The following IL1RAPL1 variants were observed in gnomAD, a reference collection of about 807,000 sequenced individuals.
IL1RAPL1 encodes interleukin 1 receptor accessory protein like 1.
A neutral mutation model predicts 48.4 loss-of-function variants in IL1RAPL1; 3 were observed. The observed-to-expected ratio is 0.06, with a 90% CI of 0.03 to 0.16. IL1RAPL1 has a LOEUF of 0.16. Among genes scored for constraint, IL1RAPL1 ranks in the 10% least tolerant of loss-of-function variants. The pLI, the probability that IL1RAPL1 is intolerant of heterozygous loss-of-function variation, is 1.00. For synonymous variants in IL1RAPL1, 185 were observed against 187.7 expected, an observed-to-expected ratio of 0.99 and a Z score of 0.12; for missense variants, 349 against 530.6, an observed-to-expected ratio of 0.66 and a Z score of 3.36.
At chrX:29,233,191 C>G (rs1361559143) in intron 2 of IL1RAPL1, among the ~76,000 whole-genome samples, 2 of 111,366 alleles carry the variant, frequency 1.8e-5, no homozygotes, top group Non-Finnish European at 3.8e-5. Context: ...CCCTCCTTCC[C>G]CTGTACTCAA....
intron 1 of IL1RAPL1, among the ~76,000 whole-genome samples, chrX:28,777,271 C>T (rs1448318913): frequency 9.0e-6 from 1 of 111,004 alleles, no homozygotes; most frequent in African/African-American, 3.3e-5. Flanking sequence ...ACTCCTGCTA[C>T]TCTCTTATAA....
intron 5 of IL1RAPL1, among the ~76,000 whole-genome samples, chrX:29,500,179 C>A (rs1935257197): frequency 1.8e-5 from 2 of 111,044 alleles, no homozygotes; most frequent in Admixed American, 1.9e-4. Context: ...CAGGGTTTCA[C>A]CATGTTGGCC....
Position 28,654,362 on chromosome X carries a change from G to A in IL1RAPL1, c.-25+66315G>A, listed in dbSNP as rs183758750. Among the ~76,000 whole-genome samples, 57 of 110,698 alleles carry A rather than the reference G, an allele frequency of 5.1e-4. 1 individual carries two copies. The highest frequency in any genetic ancestry group is 4.7e-3 in the Admixed American group (49 of 10,347). On this transcript the variant is annotated intron_variant, in intron 1 of 10. Transcript: ENST00000378993. ...TTTTAAGCAATAAATCTAAAAGCTT[G>A]GTATTCTTATCCCCATTGAAAAATT...
chrX:29,911,993 T>A (rs1462780588), intron 6 of IL1RAPL1, among the ~76,000 whole-genome samples: 5 of 112,408 alleles, frequency 4.4e-5, no homozygotes, highest in African/African-American at 1.6e-4. Flanking sequence ...CTGTAAACAA[T>A]CTCAAAAGAT....
chrX:28,894,697 C>T (rs1410212147), intron 2 of IL1RAPL1, among the ~76,000 whole-genome samples: 3 of 110,882 alleles, frequency 2.7e-5, no homozygotes, highest in Non-Finnish European at 5.7e-5. Flanking sequence ...AAAGCAGTGG[C>T]AGCCGCTGCA....
chrX:29,552,744 C>A (rs1921856002), intron 5 of IL1RAPL1, among the ~76,000 whole-genome samples: 1 of 102,696 alleles, frequency 9.7e-6, no homozygotes, highest in South Asian at 4.5e-4. Context: ...AATACCTTAG[C>A]AAATACTTTT....
chrX:29,612,668 T>C (rs974785699), intron 5 of IL1RAPL1, among the ~76,000 whole-genome samples: 4 of 111,833 alleles, frequency 3.6e-5, no homozygotes, highest in African/African-American at 9.7e-5. Context: ...GTTTTTAGTG[T>C]GTTTCTGAGA....
At chrX:28,988,026 T>G (rs1925517281) in intron 2 of IL1RAPL1, among the ~76,000 whole-genome samples, 1 of 111,947 alleles carries the variant, frequency 8.9e-6, no homozygotes, top group Non-Finnish European at 1.9e-5. Context: ...TACTCAAAAA[T>G]CCAGTGGAAA....
intron 6 of IL1RAPL1, among the ~76,000 whole-genome samples, chrX:29,794,231 G>A (rs185112699): frequency 9.0e-6 from 1 of 111,086 alleles, no homozygotes; most frequent in East Asian, 2.8e-4. Context: ...GAAGGAAAAC[G>A]GCATTATTTT....
At chrX:28,911,062 A>C (rs1442212877) in intron 2 of IL1RAPL1, among the ~76,000 whole-genome samples, 1 of 111,539 alleles carries the variant, frequency 9.0e-6, no homozygotes, top group Non-Finnish European at 1.9e-5. Flanking sequence ...TCTGAATTGA[A>C]TGAATGTTAT....
intron 2 of IL1RAPL1, among the ~76,000 whole-genome samples, chrX:28,876,931 T>C (rs1000287075): frequency 2.2e-4 from 25 of 112,062 alleles, no homozygotes; most frequent in Admixed American, 2.1e-3. Context: ...CTATGGACTA[T>C]GTTTATTTTC....
rs767178179 is a variant in IL1RAPL1 at position 29,467,521 on chromosome X, C to CGGG, written c.703+68213_703+68214insGGG. 4.6e-3 allele frequency among the ~76,000 whole-genome samples: 521 copies of CGGG among 112,586 alleles called. 3 individuals are homozygous for CGGG. Among genetic ancestry groups the CGGG allele is most frequent in the African/African-American group, 0.016 (503 of 31,020 alleles). Reference sequence around the variant, plus strand: ...CAAACCCCTTGAGGGAGGGGGAGCACACAGGTGAGCGGATGTGGGAGAGCC... The same window carrying CGGG: ...CAAACCCCTTGAGGGAGGGGGAGCACGGGACAGGTGAGCGGATGTGGGAGAGCC... On this transcript the variant is annotated intron_variant, in intron 5 of 10. Coordinates refer to ENST00000378993, the MANE Select transcript of IL1RAPL1 (RefSeq NM_014271.4).
chrX:28,881,901 G>A (rs1922510277), intron 2 of IL1RAPL1, among the ~76,000 whole-genome samples: 1 of 110,298 alleles, frequency 9.1e-6, no homozygotes, highest in South Asian at 3.9e-4. Context: ...GACATCAGGT[G>A]GGCCAATATG....
intron 6 of IL1RAPL1, among the ~76,000 whole-genome samples, chrX:29,769,685 C>G (rs1287296678): frequency 4.2e-5 from 4 of 94,742 alleles, no homozygotes; most frequent in Non-Finnish European, 2.1e-5. Flanking sequence ...GGCGTGATCT[C>G]GGCTCACTGC....
intron 3 of IL1RAPL1, among the ~76,000 whole-genome samples, chrX:29,335,911 G>A (rs1932986324): frequency 9.1e-6 from 1 of 110,354 alleles, no homozygotes; most frequent in African/African-American, 3.3e-5. Flanking sequence ...TAGGTATCAA[G>A]TATCCTTGAT....
At chrX:29,906,361 A>AAAAC (rs1393087871) in intron 6 of IL1RAPL1, among the ~76,000 whole-genome samples, 1 of 99,551 alleles carries the variant, frequency 1.0e-5, no homozygotes, top group Non-Finnish European at 2.0e-5. Flanking sequence ...AACAAAAAAA[A>AAAAC]AAACATAAAA....
In IL1RAPL1 at chrX:28,635,376, G is replaced by T. The variant is rs146381315; in HGVS notation, c.-25+47329G>T. Among the ~76,000 whole-genome samples, 186 of 111,686 alleles carry T rather than the reference G, an allele frequency of 1.7e-3. 1 individual carries two copies. Among genetic ancestry groups the T allele is most frequent in the African/African-American group, 5.9e-3 (180 of 30,729 alleles). On this transcript the variant is annotated intron_variant, in intron 1 of 10. Transcript: ENST00000378993. ...GATGATTTGATCTTTGACTTATGATGGTTCAACTTCGATGTTTTTACTTTA... is the reference window on the plus strand; with the variant it reads ...GATGATTTGATCTTTGACTTATGATTGTTCAACTTCGATGTTTTTACTTTA...
chrX:28,840,027 G>A (rs150435004), intron 2 of IL1RAPL1, among the ~76,000 whole-genome samples: 182 of 110,775 alleles, frequency 1.6e-3, no homozygotes, highest in African/African-American at 5.4e-3. Flanking sequence ...TGCTAGTTGC[G>A]TCTCTTAGAG....
chrX:29,908,384 A>G (rs1026494410), intron 6 of IL1RAPL1, among the ~76,000 whole-genome samples: 5 of 108,479 alleles, frequency 4.6e-5, no homozygotes, highest in Non-Finnish European at 7.6e-5. Context: ...AAATATATAT[A>G]TATATATATA....
Sources: gnomAD v4.1 joint callset for allele counts (sites outside exome capture counted in the v4.1 genomes callset) on GRCh38, gnomAD v4.1.1 for gene constraint, MANE v1.5 for transcripts, NCBI Gene and HGNC (gene_info 2026-07-23, HGNC 2026-07-21) for gene names.